The following RIPPLY3 variants were observed in gnomAD, a reference collection of about 807,000 sequenced individuals.
RIPPLY3 encodes ripply transcriptional repressor 3.
Under a neutral mutation model 11.9 loss-of-function variants are expected in RIPPLY3, and 8 were observed. That is an observed-to-expected ratio of 0.67 (90% CI 0.40 to 1.21). The LOEUF is 1.21. RIPPLY3 is among the 50% of genes most tolerant of loss of function. The pLI, the probability that RIPPLY3 is intolerant of heterozygous loss-of-function variation, is 0.01. For missense variants in RIPPLY3, 271 were observed against 246.0 expected (o/e 1.10, Z -0.68); for synonymous variants, 102 against 99.0 (o/e 1.03, Z -0.18).
chr21:37,015,690 T>C (rs1315561178), intron 3 of RIPPLY3, among the ~76,000 whole-genome samples: 1 of 151,880 alleles, frequency 6.6e-6, no homozygotes, highest in Non-Finnish European at 1.5e-5. Context: ...CGCAACTATG[T>C]TGTTGTTGTT....
chr21:37,008,223 G>T lies in RIPPLY3; in HGVS notation c.171G>T (p.Pro57=), dbSNP rs1203797927. ...CTGAGCTGACCAGAACTGGAAGGCC[G>T]GTAAGGTTCAGTGCGGGCGTTGTAG... ...GDAELTRTGR[P]LEPRADQHTF... Residue 57 remains proline (P), a splice_region_variant and synonymous_variant, in exon 2 of 4, where the codon CCG becomes CCT. Coordinates refer to ENST00000329553, the MANE Select transcript of RIPPLY3 (RefSeq NM_018962.3). The T allele has an allele frequency of 6.2e-7, 1 of 1,614,052 alleles. No homozygotes were observed. The highest frequency in any genetic ancestry group is 1.7e-5 in the Admixed American group (1 of 60,006).
chr21:37,017,766 AG>A (rs1301252300), intron 3 of RIPPLY3, 107 bp from the exon 4 acceptor site: 4 of 879,224 alleles, frequency 4.5e-6, no homozygotes, highest in Non-Finnish European at 6.8e-6. Flanking sequence ...GGCAAAGACC[AG>A]AAAGGAAGAC....
chr21:37,013,452 C>G lies in RIPPLY3; in HGVS notation c.172-99C>G, dbSNP rs2069547189. 15 of 910,020 alleles carry G rather than the reference C, an allele frequency of 1.6e-5. No homozygotes were observed. The South Asian group carries it at 2.5e-4, about 15-fold the overall frequency. 56.4% of individuals were successfully genotyped at this position (910,020 alleles called of 1,614,324 possible). ...TCTCTAAAATTGGTATTGATATGAC[C>G]AACTGCAGATGACTTACGTTCTGTG... On this transcript the variant is annotated intron_variant, in intron 2 of 3. Coordinates refer to ENST00000329553, the MANE Select transcript of RIPPLY3 (RefSeq NM_018962.3).
At chr21:37,009,318 A>G (rs757993524) in intron 2 of RIPPLY3, among the ~76,000 whole-genome samples, 2 of 151,982 alleles carry the variant, frequency 1.3e-5, no homozygotes, top group African/African-American at 4.8e-5. Flanking sequence ...CACGTGTTAT[A>G]TGGACTAACG....
chr21:37,013,146 G>A (rs1438132694), intron 2 of RIPPLY3, among the ~76,000 whole-genome samples: 6 of 152,146 alleles, frequency 3.9e-5, no homozygotes, highest in African/African-American at 1.4e-4. Context: ...TGCCAAAATA[G>A]TCTTAGAATT....
chr21:37,008,756 C>CA (rs71198845), intron 2 of RIPPLY3, among the ~76,000 whole-genome samples: 4,222 of 81,106 alleles, frequency 0.052, 145 homozygotes, highest in East Asian at 0.072. Context: ...AGACTCATCT[C>CA]AAAAAAAAAA....
At chr21:37,016,550 G>A (rs1430427518) in intron 3 of RIPPLY3, among the ~76,000 whole-genome samples, 1 of 152,180 alleles carries the variant, frequency 6.6e-6, no homozygotes, top group African/African-American at 2.4e-5. Flanking sequence ...ATGAAAAGCA[G>A]GTCGAGGCAT....
intron 3 of RIPPLY3, among the ~76,000 whole-genome samples, chr21:37,014,512 G>A (rs2146777959): frequency 6.6e-6 from 1 of 152,152 alleles, no homozygotes; most frequent in Non-Finnish European, 1.5e-5. Context: ...ATTTCTGCCT[G>A]TCTCTCTGTC....
At position 37,016,754 on chromosome 21, in the gene RIPPLY3, C is replaced by A. The variant is rs1481470288; in HGVS notation, c.240-1120C>A. On this transcript the variant is annotated intron_variant, in intron 3 of 3. Transcript: ENST00000329553. ...AGGTTCAGGTGGGAGATGCTTGAGC[C>A]CAGGATTTCAAGGCTGCAGTAAGCT... 2.0e-5 allele frequency among the ~76,000 whole-genome samples: 3 copies of A among 152,102 alleles called. No individual in the cohort carries two copies. In the East Asian group the frequency reaches 5.8e-4, roughly 29 times the overall value.
intron 1 of RIPPLY3, among the ~76,000 whole-genome samples, 157 bp downstream of exon 1, chr21:37,007,033 C>T (rs2069471872): frequency 6.6e-6 from 1 of 152,256 alleles, no homozygotes; most frequent in South Asian, 2.1e-4. Flanking sequence ...CCTGAGCCGG[C>T]AGCCGGGTTC....
intron 3 of RIPPLY3, among the ~76,000 whole-genome samples, chr21:37,013,957 A>G (rs796344485): frequency 2.0e-5 from 3 of 152,334 alleles, no homozygotes; most frequent in African/African-American, 7.2e-5. Context: ...ATATTGAGGT[A>G]TATTTCTATT....
intron 3 of RIPPLY3, 31 bp from the exon 4 acceptor site, chr21:37,017,843 A>T (rs760899190): frequency 3.2e-6 from 5 of 1,558,142 alleles, no homozygotes; most frequent in Middle Eastern, 1.7e-4. Context: ...GTTCAGGTTG[A>T]TTAATGGTAT....
chr21:37,008,070 A>C, intron 1 of RIPPLY3, 87 bp from the exon 2 acceptor site: 1 of 1,421,784 alleles, frequency 7.0e-7, no homozygotes, highest in Non-Finnish European at 9.8e-7. Context: ...TCAGGCAGAC[A>C]CTGGAACTAA....
intron 3 of RIPPLY3, among the ~76,000 whole-genome samples, chr21:37,016,708 C>T (rs979319623): frequency 1.8e-4 from 27 of 152,080 alleles, no homozygotes; most frequent in African/African-American, 6.5e-4. Flanking sequence ...TGGCATGCAC[C>T]AGTAGTCTCA....
At chr21:37,010,417 T>A (rs2069509838) in intron 2 of RIPPLY3, among the ~76,000 whole-genome samples, 1 of 152,132 alleles carries the variant, frequency 6.6e-6, no homozygotes, top group African/African-American at 2.4e-5. Flanking sequence ...CGCTTGAACC[T>A]GGGAGGCAGA....
intron 3 of RIPPLY3, among the ~76,000 whole-genome samples, 157 bp from the exon 4 acceptor site, chr21:37,017,717 G>A (rs2069592594): frequency 6.6e-6 from 1 of 152,152 alleles, no homozygotes; most frequent in South Asian, 2.1e-4. Context: ...GGTGCCTAGA[G>A]TTCTCTGTTC....
intron 3 of RIPPLY3, among the ~76,000 whole-genome samples, chr21:37,015,005 G>A (rs1225747743): frequency 6.6e-6 from 1 of 152,156 alleles, no homozygotes; most frequent in African/African-American, 2.4e-5. Context: ...TGGGATTACA[G>A]GCATGAGCCA....
chr21:37,014,188 G>T (rs1430026073), intron 3 of RIPPLY3, among the ~76,000 whole-genome samples: 3 of 152,002 alleles, frequency 2.0e-5, no homozygotes, highest in Non-Finnish European at 4.4e-5. Flanking sequence ...CATGGTGGTG[G>T]GCACCTGTAA....
Position 37,006,948 on chromosome 21 carries a change from G to GCTC in RIPPLY3, c.104+73_104+74insTCC. ...GGTGGCGGTGCGGGGAGCGCAGCGA[G>GCTC]CGGGAGGCTGGGGCGCTGCTGAACC... On this transcript the variant is annotated intron_variant, in intron 1 of 3. Coordinates refer to ENST00000329553, the MANE Select transcript of RIPPLY3 (RefSeq NM_018962.3). This position sits in a 1 kb window ranked among gnomAD's most constrained non-coding sequence, Gnocchi z 5.2. 1.1e-6 allele frequency: 1 copy of GCTC among 925,278 alleles called. No homozygotes were observed. The highest frequency in any genetic ancestry group is 1.4e-6 in the Non-Finnish European group (1 of 715,110). The allele number at this position is 925,278 out of a possible 1,614,324, so 57.3% of individuals were successfully genotyped here. A position where few individuals can be genotyped will look rare whatever the true frequency, so the allele number is the denominator to read the frequency against.
Sources: allele counts gnomAD v4.1 joint callset (sites outside exome capture counted in the v4.1 genomes callset), GRCh38; gene constraint gnomAD v4.1.1; non-coding constraint Gnocchi (gnomAD v3.1); transcripts MANE v1.5; gene names NCBI Gene and HGNC (gene_info 2026-07-23, HGNC 2026-07-21).